The following RYR2 variants were observed in gnomAD, a reference collection of about 807,000 sequenced individuals.
RYR2 encodes the protein cardiac muscle ryanodine receptor-calcium release channel.
RYR2 carries 227 observed loss-of-function variants against 601.1 expected under a neutral mutation model. The ratio of observed to expected loss-of-function variants is 0.38; its 90% CI spans 0.34 to 0.42. The LOEUF (loss-of-function observed/expected upper bound fraction) is 0.42. RYR2 is among the 10% of genes least tolerant of loss of function. The pLI, the probability that RYR2 is intolerant of heterozygous loss-of-function variation, is 1.00. For synonymous variants in RYR2, 2,223 were observed against 2,175.1 expected (o/e 1.02, Z -0.61); for missense variants, 4,646 against 6,156.5 (o/e 0.75, Z 8.21).
intron 16 of RYR2, among the ~76,000 whole-genome samples, chr1:237,465,059 A>T (rs1249413122): frequency 6.7e-6 from 1 of 149,858 alleles, no homozygotes; most frequent in Non-Finnish European, 1.5e-5. Context: ...ATGTATTGGT[A>T]CCCATGACAT....
chr1:237,463,843 G>GA (rs1659752184), intron 16 of RYR2, among the ~76,000 whole-genome samples: 1 of 152,120 alleles, frequency 6.6e-6, no homozygotes, highest in Admixed American at 6.5e-5. Context: ...ATCTCATAAT[G>GA]AAAGCCACTA....
chr1:237,142,580 A>G lies in RYR2; in HGVS notation c.48+100011A>G, dbSNP rs528657272. On this transcript the variant is annotated intron_variant, in intron 1 of 104. Coordinates refer to ENST00000366574, the MANE Select transcript of RYR2 (RefSeq NM_001035.3). The stretch of plus-strand genomic sequence containing the variant: ...ACAACCTGACTGCTGCAGTGCTGCC[A>G]GGGTTCCTGCCACCCTGTGATGAGG... Among the ~76,000 whole-genome samples, 358 of 152,318 alleles carry G rather than the reference A, an allele frequency of 2.4e-3. 3 individuals carry two copies. The highest frequency in any genetic ancestry group is 8.3e-3 in the African/African-American group (346 of 41,584).
At chr1:237,123,946 G>A (rs900197196) in intron 1 of RYR2, among the ~76,000 whole-genome samples, 9 of 152,150 alleles carry the variant, frequency 5.9e-5, no homozygotes, top group African/African-American at 2.2e-4. Flanking sequence ...TATTTTTAAA[G>A]CAATGCTCTG....
intron 5 of RYR2, among the ~76,000 whole-genome samples, chr1:237,369,158 C>T (rs906896587): frequency 2.6e-5 from 4 of 152,080 alleles, no homozygotes; most frequent in African/African-American, 4.8e-5. Context: ...TTGTATGTTC[C>T]GCATGCAGGT....
chr1:237,340,586 C>T (rs531288379), intron 3 of RYR2, among the ~76,000 whole-genome samples: 1 of 152,252 alleles, frequency 6.6e-6, no homozygotes, highest in African/African-American at 2.4e-5. Context: ...ATATCTGAAA[C>T]TTCTATTCTC....
chr1:237,638,061 G>A (rs1438634975), intron 44 of RYR2, among the ~76,000 whole-genome samples: 1 of 149,774 alleles, frequency 6.7e-6, no homozygotes, highest in Non-Finnish European at 1.5e-5. Context: ...GGGCAGATAT[G>A]TTTGTGGCAT....
chr1:237,674,184 C>T lies in RYR2; in HGVS notation c.8679C>T (p.Leu2893=). ...AKDREKAQDI[L]KFLQINGYAV... is the part of the protein sequence containing the mutation. ...ATAGAGAAAAAGCACAGGACATCCT[C>T]AAGTTCTTGCAGATCAATGGATATG... Residue 2893 remains leucine (L), a synonymous_variant, in exon 59 of 105, where the codon CTC becomes CTT. Transcript: ENST00000366574. The T allele has an allele frequency of 6.2e-7, 1 of 1,612,350 alleles. No individual in the cohort carries two copies. The highest frequency in any genetic ancestry group is 8.5e-7 in the Non-Finnish European group (1 of 1,178,556).
At chr1:237,606,979 C>G (rs1677197181) in intron 35 of RYR2, among the ~76,000 whole-genome samples, 1 of 152,226 alleles carries the variant, frequency 6.6e-6, no homozygotes, top group African/African-American at 2.4e-5. Flanking sequence ...GTTGGTGGGA[C>G]TGTAAACTAG....
intron 22 of RYR2, among the ~76,000 whole-genome samples, chr1:237,504,919 G>A (rs540478457): frequency 2.0e-5 from 3 of 152,226 alleles, no homozygotes; most frequent in African/African-American, 7.2e-5. Flanking sequence ...TAAGGAGTGC[G>A]CAGTTCACAA....
intron 19 of RYR2, among the ~76,000 whole-genome samples, chr1:237,495,069 G>A (rs1025270041): frequency 5.3e-5 from 8 of 152,168 alleles, no homozygotes; most frequent in Admixed American, 2.0e-4. Flanking sequence ...GATTACAGGT[G>A]TGAGCCACTG....
intron 12 of RYR2, among the ~76,000 whole-genome samples, chr1:237,429,982 C>A (rs1268162214): frequency 6.6e-6 from 1 of 151,438 alleles, no homozygotes; most frequent in Non-Finnish European, 1.5e-5. Flanking sequence ...GAAAGATATT[C>A]TTGTAAATAT....
intron 1 of RYR2, among the ~76,000 whole-genome samples, chr1:237,163,572 T>G (rs1388515623): frequency 6.6e-6 from 1 of 152,200 alleles, no homozygotes; most frequent in Non-Finnish European, 1.5e-5. Flanking sequence ...TTGAGGACTA[T>G]TCCTTTGACC....
intron 8 of RYR2, among the ~76,000 whole-genome samples, chr1:237,383,649 T>C (rs1384742651): frequency 2.0e-5 from 3 of 152,024 alleles, no homozygotes; most frequent in African/African-American, 4.8e-5. Context: ...CAGGATGGTC[T>C]CGATCTCCTG....
chr1:237,376,279 T>A (rs1249433436), intron 7 of RYR2, among the ~76,000 whole-genome samples: 1 of 152,174 alleles, frequency 6.6e-6, no homozygotes, highest in Admixed American at 6.5e-5. Context: ...AAACACAGAT[T>A]ACATGTTGAC....
intron 84 of RYR2, among the ~76,000 whole-genome samples, chr1:237,769,474 T>C (rs973944977): frequency 1.3e-5 from 2 of 152,302 alleles, no homozygotes; most frequent in African/African-American, 4.8e-5. Context: ...GTCACCAAAT[T>C]TCATATCTTG....
intron 1 of RYR2, among the ~76,000 whole-genome samples, chr1:237,204,270 A>G (rs1681532628): frequency 6.6e-6 from 1 of 152,150 alleles, no homozygotes; most frequent in African/African-American, 2.4e-5. Context: ...TGGCTTCCCA[A>G]AGTGCTGGGA....
chr1:237,333,738 T>C (rs896676884), intron 3 of RYR2: 1 of 407,690 alleles, frequency 2.5e-6, no homozygotes, highest in African/African-American at 2.1e-5. Flanking sequence ...ACACTCATTA[T>C]GGAACTCTAA....
At chr1:237,186,513 T>C (rs776265132) in intron 1 of RYR2, among the ~76,000 whole-genome samples, 2 of 152,230 alleles carry the variant, frequency 1.3e-5, no homozygotes, top group African/African-American at 2.4e-5. Flanking sequence ...TTTTATGGTA[T>C]CAATGATCCC....
chr1:237,717,048 G>A (rs1443148638), intron 71 of RYR2, 150 bp from the exon 72 acceptor site: 1 of 638,650 alleles, frequency 1.6e-6, no homozygotes, highest in Non-Finnish European at 2.6e-6. Context: ...AAGAAGGGAA[G>A]AGAAAAATTA....
Sources: allele counts gnomAD v4.1 joint callset (sites outside exome capture counted in the v4.1 genomes callset), GRCh38; gene constraint gnomAD v4.1.1; transcripts MANE v1.5; gene names NCBI Gene and HGNC (gene_info 2026-07-23, HGNC 2026-07-21).